The following TLL1 variants were observed in gnomAD, a reference collection of about 807,000 sequenced individuals.
TLL1 encodes the protein tolloid-like protein 1.
A neutral mutation model predicts 128.2 loss-of-function variants in TLL1; 49 were observed. The observed-to-expected ratio is 0.38, with a 90% CI of 0.30 to 0.48. The LOEUF (loss-of-function observed/expected upper bound fraction) is 0.48. TLL1 is among the 20% of genes least tolerant of loss of function. TLL1 has a pLI of 0.96. For synonymous variants in TLL1, 454 were observed against 418.8 expected, an observed-to-expected ratio of 1.08 and a Z score of -1.03; for missense variants, 1,123 against 1,242.0, an observed-to-expected ratio of 0.90 and a Z score of 1.44.
intron 1 of TLL1, among the ~76,000 whole-genome samples, chr4:165,918,305 A>G (rs1337029964): frequency 6.6e-6 from 1 of 152,204 alleles, no homozygotes; most frequent in African/African-American, 2.4e-5. Flanking sequence ...TTGGAGGCAC[A>G]CAGTCATAGA....
chr4:166,099,522 T>C lies in TLL1; in HGVS notation c.2902T>C (p.Ser968Pro). The C allele has an allele frequency of 6.2e-7, 1 of 1,612,802 alleles. No homozygotes were observed. Among genetic ancestry groups the C allele is most frequent in the African/African-American group, 1.3e-5 (1 of 74,778 alleles). The change falls in exon 20 of 21, where the codon TCC (serine) becomes CCC (proline). Residue 968 changes from serine (S) to proline (P), a missense_variant. Physicochemically the swap from Ser to Pro is moderately conservative, Grantham distance 74. This residue lies in a region of TLL1 where 634 missense variants were observed against 672.4 expected (regional missense o/e 0.94). Transcript: ENST00000061240. ...TAVGLGRFCG[S>P]GPPEEIYSIG... ...TGTGGGGCTTGGTCGATTCTGTGGA[T>C]CCGGGGTAAATATACCACCAACAGA...
chr4:166,062,358 T>A (rs192422474), intron 15 of TLL1, among the ~76,000 whole-genome samples: 44 of 152,336 alleles, frequency 2.9e-4, no homozygotes, highest in African/African-American at 1.1e-3. Context: ...GAGCATGGAA[T>A]GTTCTTCCAT....
intron 12 of TLL1, among the ~76,000 whole-genome samples, chr4:166,053,724 A>G (rs943656491): frequency 6.6e-6 from 1 of 152,190 alleles, no homozygotes; most frequent in Admixed American, 6.5e-5. Context: ...ATATTCCTTG[A>G]CATTCTACGT....
rs755531088 is a variant in TLL1 at position 166,003,572 on chromosome 4, G to A, written c.811+3G>A. ...CATAAGAGAAAACATCCAGCCAGGT[G>A]AGAGGCATAGAATGTGTTGGGTTTA... On this transcript the variant is annotated splice_donor_region_variant and intron_variant, in intron 6 of 20. Transcript: ENST00000061240. The A allele has an allele frequency of 1.2e-6, 2 of 1,613,682 alleles. No homozygotes were observed. Among genetic ancestry groups the A allele is most frequent in the African/African-American group, 1.3e-5 (1 of 74,910 alleles).
chr4:166,056,855 A>C (rs1472495060), intron 13 of TLL1, among the ~76,000 whole-genome samples: 1 of 152,124 alleles, frequency 6.6e-6, no homozygotes, highest in Non-Finnish European at 1.5e-5. Flanking sequence ...GAATTTGTAT[A>C]CGTTATCCAT....
Position 166,066,002 on chromosome 4 carries a change from A to G in TLL1, c.2188+139A>G. The G allele has an allele frequency of 1.1e-5, 7 of 630,210 alleles. 1 individual carries two copies. Among genetic ancestry groups the G allele is most frequent in the Non-Finnish European group, 1.1e-5 (4 of 371,686 alleles). 39.0% of individuals were successfully genotyped at this position (630,210 alleles called of 1,614,324 possible). A position where few individuals can be genotyped will look rare whatever the true frequency, so the allele number is the denominator to read the frequency against. On this transcript the variant is annotated intron_variant, in intron 16 of 20. Coordinates refer to ENST00000061240, the MANE Select transcript of TLL1 (RefSeq NM_012464.5). The stretch of plus-strand genomic sequence containing the variant: ...AGGCCTTACAAACAACACAAAAATA[A>G]TTATAGCAATATTTTTATACAGTGA...
intron 12 of TLL1, chr4:166,044,220 G>C: frequency 1.7e-6 from 1 of 586,292 alleles, no homozygotes; most frequent in Non-Finnish European, 2.9e-6. Context: ...ATTGGAGATG[G>C]AGTCTTTACT....
chr4:165,908,338 C>T (rs535069188), intron 1 of TLL1, among the ~76,000 whole-genome samples: 103 of 152,144 alleles, frequency 6.8e-4, no homozygotes, highest in African/African-American at 2.3e-3. Flanking sequence ...GCCTGTCATC[C>T]CAGCACTTTG....
intron 1 of TLL1, among the ~76,000 whole-genome samples, chr4:165,971,989 G>C (rs1007390310): frequency 1.3e-5 from 2 of 152,096 alleles, no homozygotes; most frequent in East Asian, 3.9e-4. Flanking sequence ...TGTAGCCTAC[G>C]TATAAGTAGA....
chr4:165,882,437 T>C (rs1731003010), intron 1 of TLL1, among the ~76,000 whole-genome samples: 1 of 152,056 alleles, frequency 6.6e-6, no homozygotes, highest in Admixed American at 6.6e-5. Flanking sequence ...ACCTAAGACC[T>C]AGTGGAAAAT....
intron 1 of TLL1, among the ~76,000 whole-genome samples, chr4:165,941,282 G>C (rs767621034): frequency 4.1e-4 from 63 of 152,106 alleles, no homozygotes; most frequent in Non-Finnish European, 8.2e-4. Context: ...TTATAAAAGA[G>C]AGACTTTGAG....
At chr4:166,094,490 A>G (rs527651275) in intron 19 of TLL1, among the ~76,000 whole-genome samples, 18 of 152,288 alleles carry the variant, frequency 1.2e-4, no homozygotes, top group Admixed American at 7.2e-4. Flanking sequence ...ACAGCCATTC[A>G]GATACCCACG....
chr4:165,965,833 C>T (rs1016848864), intron 1 of TLL1, among the ~76,000 whole-genome samples: 2 of 152,070 alleles, frequency 1.3e-5, no homozygotes, highest in African/African-American at 2.4e-5. Flanking sequence ...AATTCTAGAG[C>T]ACATCATAGT....
chr4:165,929,189 A>G (rs1456720324), intron 1 of TLL1, among the ~76,000 whole-genome samples: 1 of 152,170 alleles, frequency 6.6e-6, no homozygotes, highest in Non-Finnish European at 1.5e-5. Context: ...GAACTAAGCC[A>G]CCAACACGAT....
intron 1 of TLL1, among the ~76,000 whole-genome samples, chr4:165,941,121 A>C (rs1398195072): frequency 6.6e-6 from 1 of 152,008 alleles, no homozygotes; most frequent in African/African-American, 2.4e-5. Context: ...AAAACTTAAA[A>C]TGGATGCCTT....
At chr4:166,001,117 G>A (rs1456484991) in intron 5 of TLL1, among the ~76,000 whole-genome samples, 1 of 152,110 alleles carries the variant, frequency 6.6e-6, no homozygotes, top group Admixed American at 6.6e-5. Flanking sequence ...AATTGAAATA[G>A]TGAAATTCCT....
chr4:166,093,686 G>C (rs1335309472), intron 19 of TLL1, among the ~76,000 whole-genome samples: 1 of 152,052 alleles, frequency 6.6e-6, no homozygotes, highest in Admixed American at 6.5e-5. Context: ...CTCATCCCAC[G>C]ATGCCATATT....
At chr4:165,974,631 T>A (rs1735789160) in intron 1 of TLL1, among the ~76,000 whole-genome samples, 1 of 152,224 alleles carries the variant, frequency 6.6e-6, no homozygotes, top group African/African-American at 2.4e-5. Context: ...GAGTTACTAT[T>A]TTCCCTGTAT....
At chr4:166,002,171 G>C (rs77487404) in intron 5 of TLL1, among the ~76,000 whole-genome samples, 2,042 of 152,210 alleles carry the variant, frequency 0.013, 44 homozygotes, top group African/African-American at 0.047. Flanking sequence ...ACGGATGTGA[G>C]ATGTGTTTTT....
Sources: allele counts gnomAD v4.1 joint callset (sites outside exome capture counted in the v4.1 genomes callset), GRCh38; gene constraint gnomAD v4.1.1; regional missense constraint gnomAD v4.1.1; transcripts MANE v1.5; gene names NCBI Gene and HGNC (gene_info 2026-07-23, HGNC 2026-07-21).